The following TSPEAR variants were observed in gnomAD, a reference collection of about 807,000 sequenced individuals.
TSPEAR encodes the protein thrombospondin type laminin G domain and EAR repeats.
TSPEAR carries 69 observed loss-of-function variants against 71.6 expected under a neutral mutation model. That is an observed-to-expected ratio of 0.96 (90% CI 0.79 to 1.18). TSPEAR has a LOEUF of 1.18. Among genes scored for constraint, TSPEAR ranks in the 50% most tolerant of loss-of-function variants. The probability of loss-of-function intolerance (pLI) is 0.00; values close to 1 mark genes in which losing one functional copy is unlikely to be tolerated. For missense variants in TSPEAR, 971 were observed against 894.9 expected (o/e 1.09, Z -1.09); for synonymous variants, 402 against 387.2 (o/e 1.04, Z -0.45).
At chr21:44,568,348 C>T (rs1458029493) in intron 1 of TSPEAR, among the ~76,000 whole-genome samples, 1 of 152,100 alleles carries the variant, frequency 6.6e-6, no homozygotes, top group African/African-American at 2.4e-5. Context: ...AACGCATGGC[C>T]CCACCGCAGC....
At position 44,681,630 on chromosome 21, in the gene TSPEAR, G is replaced by C. The variant is rs1347720219; in HGVS notation, c.82+29803C>G. 17 of 604,982 alleles carry C rather than the reference G, an allele frequency of 2.8e-5. No individual in the cohort carries two copies. The East Asian group carries it at 4.8e-4, about 17-fold the overall frequency. 37.5% of individuals were successfully genotyped at this position (604,982 alleles called of 1,614,324 possible). A position where few individuals can be genotyped will look rare whatever the true frequency, so the allele number is the denominator to read the frequency against. On this transcript the variant is annotated intron_variant, in intron 1 of 11. Coordinates refer to ENST00000323084, the MANE Select transcript of TSPEAR (RefSeq NM_144991.3). Reference sequence around the variant, plus strand: ...CTCATGGGGTCAGAGAATGACTCTGGGACCCCAGACTTCCCTGGGGGGATA... The same window carrying C: ...CTCATGGGGTCAGAGAATGACTCTGCGACCCCAGACTTCCCTGGGGGGATA...
intron 1 of TSPEAR, chr21:44,677,710 A>G: frequency 1.4e-6 from 2 of 1,427,972 alleles, no homozygotes; most frequent in East Asian, 4.6e-5. Context: ...TGGAGTTGTG[A>G]GGCAGGCTGT....
At chr21:44,616,641 C>G (rs1174793197) in intron 1 of TSPEAR, among the ~76,000 whole-genome samples, 1 of 152,212 alleles carries the variant, frequency 6.6e-6, no homozygotes, top group Admixed American at 6.5e-5. Flanking sequence ...TACCTGGAAC[C>G]CGAGACCCTG....
At chr21:44,647,944 G>T (rs2146243334) in intron 1 of TSPEAR, among the ~76,000 whole-genome samples, 1 of 152,352 alleles carries the variant, frequency 6.6e-6, no homozygotes, top group South Asian at 2.1e-4. Context: ...CCTGTCCCCT[G>T]CCAGTCCAAG....
intron 1 of TSPEAR, among the ~76,000 whole-genome samples, chr21:44,703,199 C>T (rs1299437173): frequency 6.6e-6 from 1 of 152,208 alleles, no homozygotes; most frequent in South Asian, 2.1e-4. Context: ...TTTCTCGGGC[C>T]CTCTATGCAA....
At chr21:44,582,873 T>C (rs1334188429) in intron 1 of TSPEAR, among the ~76,000 whole-genome samples, 4 of 151,328 alleles carry the variant, frequency 2.6e-5, no homozygotes, top group African/African-American at 7.3e-5. Context: ...TCTCACTCTG[T>C]CACCCAGGCT....
intron 9 of TSPEAR, chr21:44,515,665 C>T (rs1296375640): frequency 7.0e-6 from 1 of 142,006 alleles, no homozygotes; most frequent in Non-Finnish European, 1.6e-5. Flanking sequence ...AGCTGGCCTT[C>T]ACACGCGGCC....
At chr21:44,618,315 A>G (rs1601492241) in intron 1 of TSPEAR, among the ~76,000 whole-genome samples, 1 of 152,202 alleles carries the variant, frequency 6.6e-6, no homozygotes, top group South Asian at 2.1e-4. Flanking sequence ...GCCTTCCACC[A>G]TGACTGTAAG....
At chr21:44,629,803 T>C (rs743497) in intron 1 of TSPEAR, among the ~76,000 whole-genome samples, 3,555 of 152,340 alleles carry the variant, frequency 0.023, 142 homozygotes, top group African/African-American at 0.081. Context: ...TGTTTAGGCA[T>C]CCTGTTGTCC....
intron 1 of TSPEAR, among the ~76,000 whole-genome samples, chr21:44,704,038 C>T (rs1987785777): frequency 1.3e-5 from 2 of 152,232 alleles, no homozygotes; most frequent in Admixed American, 1.3e-4. Context: ...CCTCTGTCTG[C>T]CCTGGAGAGT....
intron 1 of TSPEAR, among the ~76,000 whole-genome samples, chr21:44,662,495 A>T (rs1210953312): frequency 6.6e-6 from 1 of 152,246 alleles, no homozygotes; most frequent in East Asian, 1.9e-4. Flanking sequence ...GCAACAAAAA[A>T]ACTGAGAAGG....
intron 1 of TSPEAR, among the ~76,000 whole-genome samples, chr21:44,689,138 G>A (rs782414426): frequency 2.6e-5 from 4 of 152,156 alleles, no homozygotes; most frequent in African/African-American, 4.8e-5. Context: ...CCAGCGGCAC[G>A]AAAAGCAAGA....
intron 1 of TSPEAR, among the ~76,000 whole-genome samples, chr21:44,659,506 G>A (rs1046713701): frequency 5.3e-5 from 8 of 152,086 alleles, no homozygotes; most frequent in South Asian, 2.1e-4. Context: ...GAAAAGAGAC[G>A]CACGCATTTC....
chr21:44,681,634 C>G (rs1986594312), intron 1 of TSPEAR: 1 of 642,822 alleles, frequency 1.6e-6, no homozygotes, highest in Admixed American at 3.2e-5. Context: ...ACTCTGGGAC[C>G]CCAGACTTCC....
At chr21:44,592,561 C>G in intron 1 of TSPEAR, 1 of 1,541,060 alleles carries the variant, frequency 6.5e-7, no homozygotes, top group Non-Finnish European at 8.8e-7. Flanking sequence ...TTCCACCTGG[C>G]CTTGTTGTCC....
At chr21:44,627,738 G>T (rs782749525) in intron 1 of TSPEAR, 1 of 1,594,912 alleles carries the variant, frequency 6.3e-7, no homozygotes, top group Non-Finnish European at 8.6e-7. Flanking sequence ...TCTGCTGTAA[G>T]CCTGTCTGCT....
In TSPEAR at chr21:44,670,848, G is replaced by A. The variant is rs1041232391; in HGVS notation, c.82+40585C>T. On this transcript the variant is annotated intron_variant, in intron 1 of 11. Transcript: ENST00000323084. Reference sequence around the variant, plus strand: ...ATCTCCACATCCCTTCAGCTCTGCCGAATCCCACAACCCCCACCAACCCAA... The same window carrying A: ...ATCTCCACATCCCTTCAGCTCTGCCAAATCCCACAACCCCCACCAACCCAA... Among the ~76,000 whole-genome samples the A allele has an allele frequency of 3.9e-5, 6 of 152,108 alleles. No individual in the cohort carries two copies. The South Asian group carries it at 6.2e-4, about 16-fold the overall frequency.
At chr21:44,620,216 A>G (rs1384038134) in intron 1 of TSPEAR, among the ~76,000 whole-genome samples, 2 of 152,392 alleles carry the variant, frequency 1.3e-5, no homozygotes, top group Non-Finnish European at 2.9e-5. Context: ...AGACGTCTTC[A>G]TCTGGCAAAG....
intron 1 of TSPEAR, among the ~76,000 whole-genome samples, chr21:44,684,178 A>G (rs1299101352): frequency 2.0e-5 from 3 of 152,252 alleles, no homozygotes; most frequent in African/African-American, 7.2e-5. Flanking sequence ...CATCTTTAAA[A>G]TGCTGAGCAA....
Sources: allele counts gnomAD v4.1 joint callset (sites outside exome capture counted in the v4.1 genomes callset), GRCh38; gene constraint gnomAD v4.1.1; transcripts MANE v1.5; gene names NCBI Gene and HGNC (gene_info 2026-07-23, HGNC 2026-07-21).